Variants in LTF observed in about 807,000 individuals in gnomAD.
The protein encoded by LTF is lactotransferrin.
LTF carries 91 observed loss-of-function variants against 87.2 expected under a neutral mutation model. The ratio of observed to expected loss-of-function variants is 1.04; its 90% CI spans 0.88 to 1.24. LTF has a LOEUF of 1.24. Among genes scored for constraint, LTF ranks in the 50% most tolerant of loss-of-function variants. The pLI is 0.00. For synonymous variants in LTF, 378 were observed against 356.1 expected (o/e 1.06, Z -0.69); for missense variants, 901 against 904.3 (o/e 1.00, Z 0.05).
At chr3:46,448,672 G>T (rs559366743) in intron 9 of LTF, among the ~76,000 whole-genome samples, 191 bp downstream of exon 9, 2 of 152,216 alleles carry the variant, frequency 1.3e-5, no homozygotes, top group East Asian at 3.9e-4. Flanking sequence ...ATAACCAGAG[G>T]AGTGGGAAAC....
chr3:46,444,685 C>T (rs192153541), intron 12 of LTF, among the ~76,000 whole-genome samples: 1 of 152,312 alleles, frequency 6.6e-6, no homozygotes, highest in Admixed American at 6.5e-5. Flanking sequence ...CCCTAGGAGA[C>T]GCCCATACAA....
intron 4 of LTF, 113 bp from the exon 5 acceptor site, chr3:46,455,555 G>A: frequency 1.5e-6 from 2 of 1,340,584 alleles, no homozygotes; most frequent in Admixed American, 4.1e-5. Flanking sequence ...ACCCCTGCAG[G>A]AGAGACTCTG....
intron 3 of LTF, 113 bp downstream of exon 3, chr3:46,456,177 C>T (rs1702925692): frequency 5.9e-6 from 6 of 1,008,654 alleles, no homozygotes; most frequent in Non-Finnish European, 5.9e-6. Flanking sequence ...CCATTCCCTA[C>T]ATGTGTGATG....
chr3:46,475,721 T>A (rs573531160), intron 1 of LTF, among the ~76,000 whole-genome samples: 1 of 152,250 alleles, frequency 6.6e-6, no homozygotes, highest in South Asian at 2.1e-4. Context: ...AAAACTCTCA[T>A]ATGGAGAAAT....
chr3:46,471,202 T>C (rs1703280837), intron 1 of LTF, among the ~76,000 whole-genome samples: 1 of 152,152 alleles, frequency 6.6e-6, no homozygotes. Flanking sequence ...GCCTGCCTTT[T>C]CTAGAGTGTT....
At chr3:46,466,691 G>T (rs1559609766), upstream of LTF, among the ~76,000 whole-genome samples, 1 of 152,208 alleles carries the variant, frequency 6.6e-6, no homozygotes, top group Non-Finnish European at 1.5e-5. Context: ...GTCTCTCATT[G>T]TTTGGAAACA....
chr3:46,447,792 T>C (rs1177270387), intron 9 of LTF, among the ~76,000 whole-genome samples: 1 of 152,132 alleles, frequency 6.6e-6, no homozygotes, highest in Non-Finnish European at 1.5e-5. Flanking sequence ...ACAGAAGTTG[T>C]CCAACACATA....
chr3:46,463,708 C>A, intron 1 of LTF: 1 of 952,290 alleles, frequency 1.1e-6, no homozygotes, highest in South Asian at 4.8e-5. Flanking sequence ...GCAAGGCTTC[C>A]TTCCTCTCCT....
In LTF at chr3:46,472,513, TGTGTGTGTGTGTGTGA is replaced by T. The variant is rs1430492901; in HGVS notation, c.-319-2063_-319-2048del. 6.0e-5 allele frequency among the ~76,000 whole-genome samples: 9 copies of T among 150,234 alleles called. No individual in the cohort carries two copies. In the South Asian group the frequency reaches 6.5e-4, roughly 11 times the overall value. ...TTGTGTGTGTGTGTGTGTGTGTGTGTGTGTGTGTGTGTGTGAGAGAGAGAGAGAGAGAGAGAGAGAG... is the reference window on the plus strand; with the variant it reads ...TTGTGTGTGTGTGTGTGTGTGTGTGTGAGAGAGAGAGAGAGAGAGAGAGAG... On this transcript the variant is annotated intron_variant, in intron 1 of 19. Transcript: ENST00000443496.
chr3:46,449,105 C>T (rs1013244785), intron 8 of LTF, 88 bp from the exon 9 acceptor site: 50 of 1,265,916 alleles, frequency 3.9e-5, no homozygotes, highest in Non-Finnish European at 5.3e-5. Context: ...TGCCCAGACT[C>T]TCCCTGGAAC....
At chr3:46,482,635 AGAAAGAAAGAAAGAAAGAAAGAAAGAAG>A (rs1444585337) in intron 1 of LTF, among the ~76,000 whole-genome samples, 3 of 88,210 alleles carry the variant, frequency 3.4e-5, no homozygotes, top group African/African-American at 1.3e-4. Context: ...AAAGAAAGAA[AGAAAGAAAGAAAGAAAGAAAGAAAGAAG>A]GAAGGAAGGA....
rs1413163420 is a variant in LTF, at chr3:46,450,576, G to A, written c.801C>T (p.Ala267=). Residue 267 remains alanine (A), a synonymous_variant, in exon 7 of 17, where the codon GCC becomes GCT. Coordinates refer to ENST00000231751, the MANE Select transcript of LTF (RefSeq NM_002343.6). ...PVDKFKDCHL[A]RVPSHAVVAR... ...CCACAACGGCATGAGAAGGGACCCG[G>A]GCCAGATGGCAGTCTTTGAACTTGT... is the stretch of plus-strand genomic sequence containing the variant. 1 of 1,614,106 alleles carries A rather than the reference G, an allele frequency of 6.2e-7. No homozygotes were observed. The highest frequency in any genetic ancestry group is 8.5e-7 in the Non-Finnish European group (1 of 1,180,024).
intron 9 of LTF, 22 bp downstream of exon 9, chr3:46,448,841 C>A (rs1702722609): frequency 1.2e-6 from 2 of 1,610,240 alleles, no homozygotes; most frequent in Middle Eastern, 1.7e-4. Context: ...CCACCGCCCG[C>A]CCCTGTGATG....
At chr3:46,450,456 C>A (rs773811686) in intron 7 of LTF, 39 bp downstream of exon 7, 2 of 1,572,808 alleles carry the variant, frequency 1.3e-6, no homozygotes, top group South Asian at 1.1e-5. Flanking sequence ...CCCTGCCCCC[C>A]ATATCCAAGC....
chr3:46,456,248 G>A, intron 3 of LTF, 42 bp downstream of exon 3: 3 of 1,508,828 alleles, frequency 2.0e-6, no homozygotes, highest in Non-Finnish European at 2.8e-6. Flanking sequence ...CAGGGCACAG[G>A]CTGAGGCCAC....
At chr3:46,441,759 C>T (rs1702518649) in intron 13 of LTF, 1 of 355,120 alleles carries the variant, frequency 2.8e-6, no homozygotes, top group Non-Finnish European at 5.1e-6. Context: ...CAAAGGAAAG[C>T]ACCAAAATAA....
At chr3:46,452,753 A>T (rs1702834093) in intron 6 of LTF, among the ~76,000 whole-genome samples, 1 of 152,262 alleles carries the variant, frequency 6.6e-6, no homozygotes, top group African/African-American at 2.4e-5. Context: ...TTGGCTTCAC[A>T]TATGGCAGAA....
intron 2 of LTF, 55 bp from the exon 3 acceptor site, chr3:46,456,453 A>T (rs1406763995): frequency 2.1e-6 from 3 of 1,463,246 alleles, no homozygotes; most frequent in Non-Finnish European, 2.9e-6. Flanking sequence ...AAACCCAGCA[A>T]GTGGGACTTC....
intron 14 of LTF, 99 bp from the exon 15 acceptor site, chr3:46,439,579 ACACACTGGGGTTGT>A (rs1702466870): frequency 1.0e-6 from 1 of 992,164 alleles, no homozygotes; most frequent in African/African-American, 1.6e-5. Flanking sequence ...TCCCAAATGC[ACACACTGGGGTTGT>A]GGTGATGTGA....
Sources: allele counts gnomAD v4.1 joint callset (sites outside exome capture counted in the v4.1 genomes callset), GRCh38; gene constraint gnomAD v4.1.1; transcripts MANE v1.5; gene names NCBI Gene and HGNC (gene_info 2026-07-23, HGNC 2026-07-21).